The following IMPA2 variants were observed in gnomAD, a reference collection of about 807,000 sequenced individuals.
IMPA2 encodes the protein IMP 2.
Under a neutral mutation model 35.1 loss-of-function variants are expected in IMPA2, and 32 were observed. The observed-to-expected ratio is 0.91, with a 90% CI of 0.69 to 1.23. The LOEUF is 1.23. IMPA2 is among the 50% of genes most tolerant of loss of function. The probability of loss-of-function intolerance (pLI) is 0.00; values close to 1 mark genes in which losing one functional copy is unlikely to be tolerated. For synonymous variants in IMPA2, 135 were observed against 160.6 expected (o/e 0.84, Z 1.20); for missense variants, 334 against 387.6 (o/e 0.86, Z 1.16).
chr18:12,017,676 C>T, intron 5 of IMPA2: 2 of 401,922 alleles, frequency 5.0e-6, no homozygotes, highest in South Asian at 1.8e-5. Context: ...GCAGCCTCCA[C>T]ATCCTAGGTT....
chr18:11,999,520 AC>A (rs1283268603), intron 2 of IMPA2, among the ~76,000 whole-genome samples: 3 of 152,246 alleles, frequency 2.0e-5, no homozygotes, highest in Non-Finnish European at 4.4e-5. Context: ...TAGAAGTGTG[AC>A]CCACCCTAAG....
chr18:12,001,886 G>A (rs546602761), intron 2 of IMPA2, among the ~76,000 whole-genome samples: 2 of 152,320 alleles, frequency 1.3e-5, no homozygotes, highest in Admixed American at 6.5e-5. Flanking sequence ...TAGCCCACAA[G>A]TCAGTGGACT....
At chr18:12,000,615 A>AT (rs367586917) in intron 2 of IMPA2, among the ~76,000 whole-genome samples, 31,254 of 118,112 alleles carry the variant, frequency 0.26, 4,874 homozygotes, top group East Asian at 0.55. Flanking sequence ...AGTGTTTGTG[A>AT]TTTTTTTTTT....
At chr18:12,025,917 A>G (rs142044191) in intron 5 of IMPA2, among the ~76,000 whole-genome samples, 2 of 152,156 alleles carry the variant, frequency 1.3e-5, no homozygotes, top group African/African-American at 4.8e-5. Flanking sequence ...GATGTGGAGC[A>G]TCTTTCTATA....
At position 12,014,347 on chromosome 18, in the gene IMPA2, AG is replaced by A; in HGVS notation, c.465del (p.Gln155HisfsTer17). 3 of 1,603,188 alleles carry A rather than the reference AG, an allele frequency of 1.9e-6. No homozygotes were observed. Among genetic ancestry groups the A allele is most frequent in the Non-Finnish European group, 2.6e-6 (3 of 1,174,536 alleles). On this transcript the variant is annotated frameshift_variant, in exon 5 of 8. Coordinates refer to ENST00000269159, the MANE Select transcript of IMPA2 (RefSeq NM_014214.3). LOFTEE classifies it high-confidence loss of function. ...RRGRGAFCNG[Q>X]RLRVSGETDL... is the part of the protein sequence containing the mutation. The stretch of plus-strand genomic sequence containing the variant: ...GGTCGGGGCGCCTTCTGCAATGGCC[AG>A]CGGCTCCGGGTCTCCGGGGAGACAG...
At chr18:12,028,422 A>C (rs556293591) in intron 6 of IMPA2, 1 of 497,060 alleles carries the variant, frequency 2.0e-6, no homozygotes, top group Admixed American at 3.3e-5. Flanking sequence ...GAATGGTGCA[A>C]ATACTTACAG....
intron 3 of IMPA2, among the ~76,000 whole-genome samples, chr18:12,011,230 A>G (rs1907425275): frequency 6.6e-6 from 1 of 152,156 alleles, no homozygotes; most frequent in African/African-American, 2.4e-5. Context: ...AAGAGCAGCA[A>G]TTTCAGAACA....
intron 5 of IMPA2, among the ~76,000 whole-genome samples, chr18:12,026,224 G>T (rs928841135): frequency 1.3e-5 from 2 of 151,534 alleles, no homozygotes; most frequent in African/African-American, 4.9e-5. Context: ...ATAGAGATGG[G>T]GTTTCTCCAT....
chr18:11,996,476 A>G (rs1033525786), intron 1 of IMPA2, among the ~76,000 whole-genome samples: 7 of 152,170 alleles, frequency 4.6e-5, no homozygotes, highest in Non-Finnish European at 8.8e-5. Context: ...GCTGCTCCCC[A>G]TGTGGGGATG....
rs565063311 is a variant in IMPA2 at position 12,007,142 on chromosome 18, A to G, written c.231-2741A>G. ...GAGACTCTGTCTCCAAAAAAAAGTGACATCGAATACCATGAGATGCCTGCT... is the reference window on the plus strand; with the variant it reads ...GAGACTCTGTCTCCAAAAAAAAGTGGCATCGAATACCATGAGATGCCTGCT... On this transcript the variant is annotated intron_variant, in intron 2 of 7. Coordinates refer to ENST00000269159, the MANE Select transcript of IMPA2 (RefSeq NM_014214.3). Among the ~76,000 whole-genome samples, 229 of 152,138 alleles carry G rather than the reference A, an allele frequency of 1.5e-3. 2 individuals are homozygous for G. The highest frequency in any genetic ancestry group is 2.6e-3 in the Admixed American group (39 of 15,280).
rs1377802006 is a variant in IMPA2 at position 12,029,083 on chromosome 18, A to T, written c.751+90A>T. The T allele has an allele frequency of 1.6e-5, 13 of 837,642 alleles. No individual in the cohort carries two copies. In the Admixed American group the frequency reaches 2.6e-4, roughly 17 times the overall value. 51.9% of individuals were successfully genotyped at this position (837,642 alleles called of 1,614,324 possible). ...ACTTCCTGAAGTCCCCACCAACTGA[A>T]TTTCCCACCTTCCCCAGAGTTTCTG... On this transcript the variant is annotated intron_variant, in intron 7 of 7. Coordinates refer to ENST00000269159, the MANE Select transcript of IMPA2 (RefSeq NM_014214.3).
At chr18:11,983,473 G>A (rs1432940399) in intron 1 of IMPA2, among the ~76,000 whole-genome samples, 1 of 152,166 alleles carries the variant, frequency 6.6e-6, no homozygotes, top group Non-Finnish European at 1.5e-5. Flanking sequence ...TTCAAATTTA[G>A]ATCCTTGAAG....
intron 2 of IMPA2, among the ~76,000 whole-genome samples, chr18:12,002,972 C>T (rs529240948): frequency 2.7e-5 from 4 of 150,364 alleles, no homozygotes; most frequent in African/African-American, 9.7e-5. Flanking sequence ...GCGGGTGGAT[C>T]ACCTGAGGTC....
chr18:12,014,568 G>A (rs1351520796), intron 5 of IMPA2, among the ~76,000 whole-genome samples, 195 bp downstream of exon 5: 1 of 152,034 alleles, frequency 6.6e-6, no homozygotes, highest in Non-Finnish European at 1.5e-5. Flanking sequence ...ACGTGGCCAG[G>A]AGCTTTAAAT....
At position 11,996,544 on chromosome 18, in the gene IMPA2, C is replaced by A. The variant is rs368788973; in HGVS notation, c.97-2510C>A. Among the ~76,000 whole-genome samples, 51 of 152,234 alleles carry A rather than the reference C, an allele frequency of 3.4e-4. No homozygotes were observed. In the South Asian group the frequency reaches 1.0e-2, roughly 30 times the overall value. On this transcript the variant is annotated intron_variant, in intron 1 of 7. Transcript: ENST00000269159. ...AGATGGTGGTCCTGGGTTCAGAACC[C>A]ACCACCACCTGCCCACCCCGCCCGC...
chr18:11,991,702 G>C lies in IMPA2; in HGVS notation c.97-7352G>C, dbSNP rs682271. On this transcript the variant is annotated intron_variant, in intron 1 of 7. Transcript: ENST00000269159. The surrounding 1 kb of genome is among the most constrained non-coding windows in gnomAD (Gnocchi z 4.1). ...TGGACAGAGTCCCAAGGCCATTTGC[G>C]GAGAACCCCCTCTTACTTGGGGGAG... 0.33 allele frequency among the ~76,000 whole-genome samples: 49,801 copies of C among 151,994 alleles called. 10,428 individuals are homozygous for C. Among genetic ancestry groups the C allele is most frequent in the East Asian group, 0.6 (3,098 of 5,146 alleles).
intron 5 of IMPA2, among the ~76,000 whole-genome samples, chr18:12,017,383 A>G (rs1460771422): frequency 6.6e-6 from 1 of 152,088 alleles, no homozygotes; most frequent in African/African-American, 2.4e-5. Context: ...TACAAATACA[A>G]TCACATCATC....
intron 5 of IMPA2, among the ~76,000 whole-genome samples, chr18:12,016,794 A>G (rs1476387352): frequency 6.6e-6 from 1 of 152,182 alleles, no homozygotes; most frequent in Admixed American, 6.6e-5. Flanking sequence ...CTCATATTGA[A>G]AACGGGGATG....
intron 5 of IMPA2, 25 bp downstream of exon 5, chr18:12,014,398 G>A (rs1907521269): frequency 2.1e-6 from 3 of 1,424,610 alleles, no homozygotes; most frequent in Non-Finnish European, 2.9e-6. Context: ...GCTCGTCTCA[G>A]TTTACTTCTG....
Sources: gnomAD v4.1 joint callset for allele counts (sites outside exome capture counted in the v4.1 genomes callset) on GRCh38, gnomAD v4.1.1 for gene constraint, Gnocchi (gnomAD v3.1) non-coding constraint, MANE v1.5 for transcripts, NCBI Gene and HGNC (gene_info 2026-07-23, HGNC 2026-07-21) for gene names.